The following DLC1 variants were observed in gnomAD, a reference collection of about 807,000 sequenced individuals.
DLC1 encodes the protein DLC1 Rho GTPase activating protein, also known as rho GTPase-activating protein 7.
In DLC1, 54 loss-of-function variants were observed where a neutral mutation model predicts 140.3. The ratio of observed to expected loss-of-function variants is 0.38; its 90% CI spans 0.31 to 0.48. The LOEUF is 0.48. Among genes scored for constraint, DLC1 ranks in the 20% least tolerant of loss-of-function variants. DLC1 has a pLI of 0.96. For missense variants in DLC1, 2,536 were observed against 1,907.0 expected, an observed-to-expected ratio of 1.33 and a Z score of -6.14; for synonymous variants, 986 against 728.1, an observed-to-expected ratio of 1.35 and a Z score of -5.70.
At chr8:13,276,462 G>C (rs1831171712) in intron 5 of DLC1, 3 of 1,360,848 alleles carry the variant, frequency 2.2e-6, no homozygotes, top group Admixed American at 3.7e-5. Flanking sequence ...ACTCCGCCCC[G>C]CGCTGTGCTC....
intron 3 of DLC1, among the ~76,000 whole-genome samples, chr8:13,396,707 CA>C (rs1837058921): frequency 2.0e-5 from 3 of 152,266 alleles, no homozygotes; most frequent in African/African-American, 7.2e-5. Context: ...GCAGAGGCCT[CA>C]AACACAACTA....
At chr8:13,405,624 G>T (rs901901947) in intron 2 of DLC1, among the ~76,000 whole-genome samples, 2 of 152,050 alleles carry the variant, frequency 1.3e-5, no homozygotes, top group African/African-American at 2.4e-5. Flanking sequence ...TTCCCTCCAT[G>T]TTAAACATTT....
intron 2 of DLC1, among the ~76,000 whole-genome samples, chr8:13,417,780 C>T (rs1337263783): frequency 1.3e-5 from 2 of 152,022 alleles, no homozygotes; most frequent in African/African-American, 2.4e-5. Flanking sequence ...CCTGAGGAAT[C>T]GCCACACTGA....
chr8:13,457,054 C>A (rs967062261), intron 2 of DLC1, among the ~76,000 whole-genome samples: 3 of 152,112 alleles, frequency 2.0e-5, no homozygotes, highest in African/African-American at 7.2e-5. Flanking sequence ...ATTTAAAAAT[C>A]TTTGTTTTTG....
At chr8:13,567,621 C>G in intron 1 of DLC1, 1 of 1,551,656 alleles carries the variant, frequency 6.4e-7, no homozygotes, top group Non-Finnish European at 8.7e-7. Context: ...CGGAGCTGGC[C>G]CTGTCTGCCT....
chr8:13,152,259 C>G (rs1381844588), intron 5 of DLC1, among the ~76,000 whole-genome samples: 1 of 152,226 alleles, frequency 6.6e-6, no homozygotes, highest in East Asian at 1.9e-4. Flanking sequence ...AAGTTACCAT[C>G]TAGTCATTGC....
At chr8:13,316,547 T>C (rs1729142) in intron 4 of DLC1, among the ~76,000 whole-genome samples, 137,100 of 152,076 alleles carry the variant, frequency 0.9, 61,969 homozygotes, top group East Asian at 0.94. Context: ...CTTATTCCTC[T>C]TGGCTTCCAG....
chr8:13,518,950 G>A (rs1802679569), upstream of DLC1, among the ~76,000 whole-genome samples: 1 of 151,412 alleles, frequency 6.6e-6, no homozygotes, highest in African/African-American at 2.4e-5. Context: ...CTTTACATGT[G>A]TTTTCTTTTT....
At chr8:13,338,298 C>T (rs1222725744) in intron 4 of DLC1, among the ~76,000 whole-genome samples, 1 of 152,038 alleles carries the variant, frequency 6.6e-6, no homozygotes, top group Non-Finnish European at 1.5e-5. Context: ...AGTCACAAAG[C>T]CATGGTTCGA....
intron 9 of DLC1, among the ~76,000 whole-genome samples, 196 bp from the exon 10 acceptor site, chr8:13,098,771 A>T (rs1214357312): frequency 6.6e-6 from 1 of 152,132 alleles, no homozygotes; most frequent in Admixed American, 6.5e-5. Context: ...CTGTGCCACC[A>T]CATCTGACTC....
rs115658411 is a variant in DLC1 at position 13,098,216 on chromosome 8, C to G, written c.3167+183G>C. 3.5e-3 allele frequency among the ~76,000 whole-genome samples: 530 copies of G among 152,004 alleles called. 1 individual carries two copies. Among genetic ancestry groups the G allele is most frequent in the African/African-American group, 0.012 (506 of 41,456 alleles). ...CCGCACTCCAGCCTACGTAACAGAG[C>G]AAGACCCTGTCTCAAAACAAACAAA... On this transcript the variant is annotated intron_variant, in intron 10 of 17. Transcript: ENST00000276297.
intron 2 of DLC1, among the ~76,000 whole-genome samples, chr8:13,496,992 G>T (rs1282217188): frequency 6.6e-6 from 1 of 151,618 alleles, no homozygotes; most frequent in Non-Finnish European, 1.5e-5. Flanking sequence ...AGTAGAGACA[G>T]GGTTTCACCA....
chr8:13,601,743 A>G (rs969067320), intron 1 of DLC1, among the ~76,000 whole-genome samples: 5 of 151,678 alleles, frequency 3.3e-5, no homozygotes, highest in African/African-American at 1.2e-4. Flanking sequence ...AAAAAACCTG[A>G]GACAATTAAT....
chr8:13,303,559 T>G (rs574522293), intron 5 of DLC1, among the ~76,000 whole-genome samples: 1 of 152,328 alleles, frequency 6.6e-6, no homozygotes, highest in Admixed American at 6.5e-5. Flanking sequence ...CCCAGCACTT[T>G]GGGAGGCCGA....
At chr8:13,538,883 G>A (rs1386388323) in intron 1 of DLC1, among the ~76,000 whole-genome samples, 2 of 152,138 alleles carry the variant, frequency 1.3e-5, no homozygotes, top group African/African-American at 2.4e-5. Context: ...TAGTAATGTC[G>A]TAAATATCTT....
At chr8:13,306,912 C>T (rs1055508456) in intron 4 of DLC1, among the ~76,000 whole-genome samples, 1 of 151,412 alleles carries the variant, frequency 6.6e-6, no homozygotes, top group Non-Finnish European at 1.5e-5. Context: ...GGTGAAACCC[C>T]GCCTCTACTA....
chr8:13,163,823 A>C (rs1413944753), intron 5 of DLC1, among the ~76,000 whole-genome samples: 1 of 152,002 alleles, frequency 6.6e-6, no homozygotes, highest in African/African-American at 2.4e-5. Context: ...AAGGGAAAAA[A>C]AATGCACCAA....
At chr8:13,133,142 A>G in intron 5 of DLC1, 2 of 1,450,408 alleles carry the variant, frequency 1.4e-6, no homozygotes, top group Non-Finnish European at 1.8e-6. Context: ...CGGCCCCAGA[A>G]AGAAAGCGGG....
intron 5 of DLC1, among the ~76,000 whole-genome samples, chr8:13,297,297 C>A (rs1399336028): frequency 0.026 from 169 of 6,520 alleles, no homozygotes; most frequent in South Asian, 0.051. Flanking sequence ...AAAAAAAAAA[C>A]TGAAGCAAGT....
Sources: gnomAD v4.1 joint callset for allele counts (sites outside exome capture counted in the v4.1 genomes callset) on GRCh38, gnomAD v4.1.1 for gene constraint, MANE v1.5 for transcripts, NCBI Gene and HGNC (gene_info 2026-07-23, HGNC 2026-07-21) for gene names.